Variants in RPS6KC1 observed in about 807,000 individuals in gnomAD.
RPS6KC1 encodes inactive ribosomal protein S6 kinase delta-1.
In RPS6KC1, 54 loss-of-function variants were observed where a neutral mutation model predicts 103.8. The observed-to-expected ratio is 0.52, with a 90% CI of 0.42 to 0.65. The LOEUF is 0.65. Ranked by LOEUF, RPS6KC1 falls within the 30% of genes least tolerant of loss-of-function variation. The pLI, the probability that RPS6KC1 is intolerant of heterozygous loss-of-function variation, is 0.00. For missense variants in RPS6KC1, 1,151 were observed against 1,253.8 expected (o/e 0.92, Z 1.24); for synonymous variants, 439 against 438.7 (o/e 1.00, Z -0.01).
At chr1:213,215,456 A>G (rs1344401528) in intron 8 of RPS6KC1, among the ~76,000 whole-genome samples, 3 of 152,254 alleles carry the variant, frequency 2.0e-5, no homozygotes, top group African/African-American at 7.2e-5. Flanking sequence ...AACACTCTGC[A>G]GAATATTATC....
At chr1:213,390,974 G>C in the RPS6KC1 span, among the ~76,000 whole-genome samples, 3 of 152,170 alleles carry the variant, frequency 2.0e-5, no homozygotes, top group South Asian at 6.2e-4. Flanking sequence ...GCACTTTTTT[G>C]GGTATATGTG....
downstream of RPS6KC1, among the ~76,000 whole-genome samples, chr1:213,278,163 C>T (rs553767072): frequency 6.6e-6 from 1 of 151,506 alleles, no homozygotes. Context: ...CACGATCACA[C>T]CACTGTACTC....
the RPS6KC1 span, among the ~76,000 whole-genome samples, chr1:213,838,570 T>C: frequency 1.3e-5 from 2 of 152,070 alleles, no homozygotes; most frequent in Non-Finnish European, 2.9e-5. Context: ...ACCTTCCGAT[T>C]TGTATTTTTC....
At chr1:213,827,192 C>T in the RPS6KC1 span, among the ~76,000 whole-genome samples, 2 of 152,128 alleles carry the variant, frequency 1.3e-5, no homozygotes, top group Admixed American at 6.5e-5. Context: ...TGTTATTGAA[C>T]CTCCACAGTC....
chr1:213,812,647 A>G, the RPS6KC1 span, among the ~76,000 whole-genome samples: 1 of 152,198 alleles, frequency 6.6e-6, no homozygotes, highest in Non-Finnish European at 1.5e-5. Context: ...TGTGTTAAAG[A>G]GATATTTATT....
chr1:213,135,160 C>T (rs1416391584), intron 6 of RPS6KC1, among the ~76,000 whole-genome samples: 2 of 152,106 alleles, frequency 1.3e-5, no homozygotes, highest in Non-Finnish European at 2.9e-5. Flanking sequence ...AATGCTTTTT[C>T]TGCATCACTT....
chr1:213,223,457 T>TA (rs2093885006), intron 8 of RPS6KC1, among the ~76,000 whole-genome samples: 1 of 152,168 alleles, frequency 6.6e-6, no homozygotes, highest in South Asian at 2.1e-4. Flanking sequence ...GAACACATGA[T>TA]ATTTGGTTTT....
the RPS6KC1 span, among the ~76,000 whole-genome samples, chr1:213,577,695 ATGAT>A: frequency 6.6e-6 from 1 of 152,324 alleles, no homozygotes; most frequent in East Asian, 1.9e-4. Flanking sequence ...CTTGAGAGAG[ATGAT>A]TTAGGGTATC....
At chr1:213,181,942 C>G (rs186615484) in intron 8 of RPS6KC1, among the ~76,000 whole-genome samples, 1 of 152,122 alleles carries the variant, frequency 6.6e-6, no homozygotes, top group Non-Finnish European at 1.5e-5. Context: ...AATGGACTTT[C>G]TTTCTCTTTA....
the RPS6KC1 span, among the ~76,000 whole-genome samples, chr1:213,301,473 G>GTGA: frequency 6.6e-6 from 1 of 152,198 alleles, no homozygotes; most frequent in South Asian, 2.1e-4. Flanking sequence ...TGGGGATGCA[G>GTGA]TGATAAACAA....
the RPS6KC1 span, among the ~76,000 whole-genome samples, chr1:213,451,571 G>A: frequency 6.6e-6 from 1 of 152,218 alleles, no homozygotes; most frequent in East Asian, 1.9e-4. Flanking sequence ...GAGGTCGCGT[G>A]GCTCCTGAGT....
chr1:213,852,121 A>T, the RPS6KC1 span, among the ~76,000 whole-genome samples: 6 of 152,032 alleles, frequency 3.9e-5, no homozygotes, highest in Non-Finnish European at 5.9e-5. Flanking sequence ...GAACATAATC[A>T]TCAACGGAGA....
chr1:213,340,716 G>A, the RPS6KC1 span, among the ~76,000 whole-genome samples: 1 of 152,316 alleles, frequency 6.6e-6, no homozygotes, highest in Non-Finnish European at 1.5e-5. Context: ...TTTTAACTCA[G>A]ATATTCTTGC....
the RPS6KC1 span, among the ~76,000 whole-genome samples, chr1:213,701,732 T>C: frequency 4.6e-5 from 7 of 152,086 alleles, no homozygotes; most frequent in South Asian, 1.5e-3. Context: ...AATGATTCTT[T>C]GAATTTCTAC....
intron 4 of RPS6KC1, among the ~76,000 whole-genome samples, chr1:213,110,954 T>C (rs2082969159): frequency 6.6e-6 from 1 of 152,078 alleles, no homozygotes; most frequent in Non-Finnish European, 1.5e-5. Flanking sequence ...GGATTTTTTT[T>C]TTTTTCTGTG....
chr1:213,605,556 G>A, the RPS6KC1 span, among the ~76,000 whole-genome samples: 2,750 of 152,246 alleles, frequency 0.018, 170 homozygotes, highest in East Asian at 0.21. Context: ...TACTGATCTG[G>A]GCTCTTTGGG....
the RPS6KC1 span, among the ~76,000 whole-genome samples, chr1:213,420,786 C>A: frequency 5.9e-5 from 9 of 152,174 alleles, no homozygotes; most frequent in African/African-American, 2.2e-4. Flanking sequence ...GGTTTACTCT[C>A]ACACTTCCGG....
At chr1:213,538,573 G>A in the RPS6KC1 span, among the ~76,000 whole-genome samples, 1 of 152,118 alleles carries the variant, frequency 6.6e-6, no homozygotes, top group South Asian at 2.1e-4. Context: ...TGCCCTTCTA[G>A]GAAGAATAGT....
chr1:213,525,351 A>C, the RPS6KC1 span, among the ~76,000 whole-genome samples: 164 of 152,306 alleles, frequency 1.1e-3, no homozygotes, highest in African/African-American at 3.8e-3. Flanking sequence ...AGAAGGATGG[A>C]GTTGCCATTT....
Sources: allele counts gnomAD v4.1 joint callset (sites outside exome capture counted in the v4.1 genomes callset), GRCh38; gene constraint gnomAD v4.1.1; transcripts MANE v1.5; gene names NCBI Gene and HGNC (gene_info 2026-07-23, HGNC 2026-07-21).